The following DLGAP1 variants were observed in gnomAD, a reference collection of about 807,000 sequenced individuals.
The protein encoded by DLGAP1 is disks large-associated protein 1.
Under a neutral mutation model 90.8 loss-of-function variants are expected in DLGAP1, and 11 were observed. The ratio of observed to expected loss-of-function variants is 0.12; its 90% confidence interval spans 0.08 to 0.20. The LOEUF is 0.20. Ranked by LOEUF, DLGAP1 falls within the 10% of genes least tolerant of loss-of-function variation. DLGAP1 has a pLI of 1.00. For missense variants in DLGAP1, 1,050 were observed against 1,333.8 expected (o/e 0.79, Z 3.31); for synonymous variants, 558 against 540.7 (o/e 1.03, Z -0.44).
intron 7 of DLGAP1, among the ~76,000 whole-genome samples, chr18:3,643,434 C>T (rs34027418): frequency 0.019 from 2,897 of 152,120 alleles, 89 homozygotes; most frequent in African/African-American, 0.066. Flanking sequence ...GAGGCAGAGA[C>T]GGGCGGATCA....
At chr18:3,592,843 CAAAAAAAAAAAAAAAA>C (rs56871583) in intron 7 of DLGAP1, among the ~76,000 whole-genome samples, 1 of 42,582 alleles carries the variant, frequency 2.3e-5, no homozygotes, top group Non-Finnish European at 4.9e-5. Flanking sequence ...GACCCTGCCT[CAAAAAAAAAAAAAAAA>C]AAAAAAAAGA....
At chr18:3,789,344 A>G (rs2065612639) in intron 5 of DLGAP1, among the ~76,000 whole-genome samples, 1 of 152,238 alleles carries the variant, frequency 6.6e-6, no homozygotes. Flanking sequence ...CCTTGTGATA[A>G]GTTTCAACAC....
intron 1 of DLGAP1, among the ~76,000 whole-genome samples, chr18:4,155,587 T>C (rs1476757661): frequency 2.0e-5 from 3 of 152,198 alleles, no homozygotes; most frequent in Admixed American, 6.5e-5. Flanking sequence ...AAGGAATTCA[T>C]TAAGAGCAAA....
intron 3 of DLGAP1, among the ~76,000 whole-genome samples, chr18:3,959,033 C>A (rs1333365502): frequency 2.0e-5 from 3 of 152,166 alleles, no homozygotes; most frequent in African/African-American, 7.2e-5. Context: ...AAGTTTGTGT[C>A]CAACCTAGTT....
At chr18:3,577,514 G>C (rs1041398327) in intron 8 of DLGAP1, among the ~76,000 whole-genome samples, 11 of 152,082 alleles carry the variant, frequency 7.2e-5, no homozygotes, top group Non-Finnish European at 1.5e-5. Flanking sequence ...ACTATGCGGT[G>C]GTATAAAACT....
chr18:4,242,680 G>T (rs118006038), intron 1 of DLGAP1, among the ~76,000 whole-genome samples: 2,849 of 152,192 alleles, frequency 0.019, 36 homozygotes, highest in Non-Finnish European at 0.027. Flanking sequence ...TGATCGCATG[G>T]GTAATACCCA....
At position 4,087,004 on chromosome 18, in the gene DLGAP1, A is replaced by C. The variant is rs1351040994; in HGVS notation, c.-159+64176T>G. ...TCTTCTGCATCTTCATTAATATTTT[A>C]GTTCTGAAGTCTACCTTGTCTGAGA... On this transcript the variant is annotated intron_variant, in intron 2 of 12. Coordinates refer to ENST00000315677, the MANE Select transcript of DLGAP1 (RefSeq NM_004746.4). Among the ~76,000 whole-genome samples the C allele has an allele frequency of 4.1e-5, 6 of 147,850 alleles. No homozygotes were observed. In the Admixed American group the frequency reaches 4.1e-4, roughly 10 times the overall value.
Position 3,879,652 on chromosome 18 carries a change from G to A in DLGAP1, c.417C>T (p.Arg139=), listed in dbSNP as rs773771005. ...EHRSDSPGRI[R]HLVHSVQKLF... Reference sequence around the variant, plus strand: ...GCTTCTGGACCGAGTGCACCAGGTGGCGGATGCGGCCGGGGCTGTCGCTGC... The same window carrying A: ...GCTTCTGGACCGAGTGCACCAGGTGACGGATGCGGCCGGGGCTGTCGCTGC... Residue 139 remains arginine (R), a synonymous_variant, in exon 4 of 13, where the codon CGC becomes CGT. Coordinates refer to ENST00000315677, the MANE Select transcript of DLGAP1 (RefSeq NM_004746.4). This position sits in a 1 kb window ranked among gnomAD's most constrained non-coding sequence, Gnocchi z 6.6. 1.9e-6 allele frequency: 3 copies of A among 1,605,698 alleles called. No individual in the cohort carries two copies. The highest frequency in any genetic ancestry group is 2.5e-6 in the Non-Finnish European group (3 of 1,179,318).
intron 6 of DLGAP1, among the ~76,000 whole-genome samples, chr18:3,731,203 G>A (rs1162886267): frequency 3.3e-5 from 5 of 151,824 alleles, no homozygotes; most frequent in South Asian, 2.1e-4. Context: ...ATATGTATAT[G>A]TATATAATTT....
At chr18:3,651,705 G>C (rs1194093836) in intron 7 of DLGAP1, among the ~76,000 whole-genome samples, 1 of 152,168 alleles carries the variant, frequency 6.6e-6, no homozygotes, top group African/African-American at 2.4e-5. Context: ...GAGTGCAGTG[G>C]CTCACGCCTG....
intron 7 of DLGAP1, among the ~76,000 whole-genome samples, chr18:3,674,534 C>T (rs1326296616): frequency 5.9e-5 from 9 of 151,938 alleles, no homozygotes; most frequent in Non-Finnish European, 1.3e-4. Context: ...GTGGGAGGAT[C>T]ACTTGAGCCC....
At chr18:4,018,748 CAGA>C (rs1464065772) in intron 2 of DLGAP1, among the ~76,000 whole-genome samples, 1 of 152,262 alleles carries the variant, frequency 6.6e-6, no homozygotes, top group African/African-American at 2.4e-5. Flanking sequence ...CCACTCAGAG[CAGA>C]AGAACTTTCA....
chr18:4,282,785 G>A (rs1568489256), intron 1 of DLGAP1, among the ~76,000 whole-genome samples: 1 of 152,186 alleles, frequency 6.6e-6, no homozygotes, highest in Non-Finnish European at 1.5e-5. Context: ...TACCAGTTAC[G>A]ACACAGCAGC....
intron 3 of DLGAP1, among the ~76,000 whole-genome samples, chr18:3,895,317 A>AT (rs1289345929): frequency 1.4e-5 from 2 of 147,730 alleles, no homozygotes; most frequent in East Asian, 3.9e-4. Context: ...ACACACACAC[A>AT]CACATCATCA....
At chr18:3,752,513 C>CCTCCCTCCCTCCCTCCGTT (rs2063541252) in intron 5 of DLGAP1, among the ~76,000 whole-genome samples, 1 of 127,486 alleles carries the variant, frequency 7.8e-6, no homozygotes. Flanking sequence ...CTCCCTCTCT[C>CCTCCCTCCCTCCCTCCGTT]CCTCCCTCCC....
intron 1 of DLGAP1, among the ~76,000 whole-genome samples, chr18:4,407,179 C>A (rs1022975700): frequency 6.6e-6 from 1 of 151,768 alleles, no homozygotes; most frequent in African/African-American, 2.4e-5. Context: ...GAAAAAATAA[C>A]GGGCAAAACA....
At chr18:4,164,377 T>C (rs995908397) in intron 1 of DLGAP1, among the ~76,000 whole-genome samples, 3 of 152,150 alleles carry the variant, frequency 2.0e-5, no homozygotes, top group Non-Finnish European at 2.9e-5. Context: ...ATAAGACTGT[T>C]TAAACGATCA....
intron 7 of DLGAP1, among the ~76,000 whole-genome samples, chr18:3,630,733 T>A (rs2058493621): frequency 6.6e-6 from 1 of 152,194 alleles, no homozygotes; most frequent in South Asian, 2.1e-4. Flanking sequence ...TACTGCCCTG[T>A]CCTTGTGCTA....
rs982590942 is a variant in DLGAP1, at chr18:4,161,803, G to A, written c.-266-10516C>T. On this transcript the variant is annotated intron_variant, in intron 1 of 12. Coordinates refer to ENST00000315677, the MANE Select transcript of DLGAP1 (RefSeq NM_004746.4). ...TGCTAATCATGAAGCAGAGAATTACGTACCTTTAAAGGTTGATGGAAGTTT... is the reference window on the plus strand; with the variant it reads ...TGCTAATCATGAAGCAGAGAATTACATACCTTTAAAGGTTGATGGAAGTTT... Among the ~76,000 whole-genome samples, 11 of 152,136 alleles carry A rather than the reference G, an allele frequency of 7.2e-5. 1 individual carries two copies. In the South Asian group the frequency reaches 2.3e-3, roughly 31 times the overall value.
Sources: gnomAD v4.1 joint callset for allele counts (sites outside exome capture counted in the v4.1 genomes callset) on GRCh38, gnomAD v4.1.1 for gene constraint, Gnocchi (gnomAD v3.1) non-coding constraint, MANE v1.5 for transcripts, NCBI Gene and HGNC (gene_info 2026-07-23, HGNC 2026-07-21) for gene names.